Variants in GALNT17 observed in about 807,000 individuals in gnomAD.
GALNT17 encodes UDP-GalNAc:polypeptide N-acetylgalactosaminyltransferase-like 3.
GALNT17 carries 29 observed loss-of-function variants against 63.7 expected under a neutral mutation model. That is an observed-to-expected ratio of 0.46 (90% CI 0.34 to 0.62). The LOEUF is 0.62. Among genes scored for constraint, GALNT17 ranks in the 20% least tolerant of loss-of-function variants. GALNT17 has a pLI of 0.01. For synonymous variants in GALNT17, 305 were observed against 318.3 expected, an observed-to-expected ratio of 0.96 and a Z score of 0.45; for missense variants, 603 against 799.6, an observed-to-expected ratio of 0.75 and a Z score of 2.97.
chr7:71,374,356 C>A (rs180697791), intron 2 of GALNT17, among the ~76,000 whole-genome samples: 100 of 152,344 alleles, frequency 6.6e-4, no homozygotes, highest in African/African-American at 2.2e-3. Context: ...ATAGGCTGTA[C>A]GGTTCCAGCA....
intron 1 of GALNT17, among the ~76,000 whole-genome samples, chr7:71,282,077 C>A (rs2115759324): frequency 6.6e-6 from 1 of 152,316 alleles, no homozygotes; most frequent in South Asian, 2.1e-4. Flanking sequence ...CCTGTGCCAT[C>A]CCTGAATCTT....
chr7:71,448,585 G>A (rs1009202513), intron 5 of GALNT17, among the ~76,000 whole-genome samples: 7 of 151,054 alleles, frequency 4.6e-5, no homozygotes, highest in South Asian at 2.1e-4. Context: ...GTTCTTTATC[G>A]ATCTTTTGCC....
At chr7:71,227,783 C>T (rs551352640) in intron 1 of GALNT17, among the ~76,000 whole-genome samples, 2 of 152,050 alleles carry the variant, frequency 1.3e-5, no homozygotes, top group Admixed American at 1.3e-4. Context: ...AGTGATTTGC[C>T]AAAAAACCCA....
intron 6 of GALNT17, among the ~76,000 whole-genome samples, chr7:71,592,339 T>C (rs1345162344): frequency 6.6e-6 from 1 of 151,690 alleles, no homozygotes; most frequent in East Asian, 2.0e-4. Flanking sequence ...GACGCTTAGG[T>C]GGGCTGGCTG....
chr7:71,244,606 A>G (rs1014974829), intron 1 of GALNT17, among the ~76,000 whole-genome samples: 2 of 152,160 alleles, frequency 1.3e-5, no homozygotes, highest in Admixed American at 6.5e-5. Context: ...TTACGTGACA[A>G]CTTTGTGGAA....
At chr7:71,431,683 T>C (rs1251296706) in intron 5 of GALNT17, among the ~76,000 whole-genome samples, 3 of 152,138 alleles carry the variant, frequency 2.0e-5, no homozygotes, top group Admixed American at 2.0e-4. Flanking sequence ...TTTGACTAGC[T>C]GGACCTTGCC....
chr7:71,333,953 G>A (rs1791851722), intron 1 of GALNT17, among the ~76,000 whole-genome samples: 1 of 152,132 alleles, frequency 6.6e-6, no homozygotes, highest in Non-Finnish European at 1.5e-5. Flanking sequence ...AGAGTTCAGG[G>A]GTTGTCATTT....
chr7:71,693,263 T>TACACACAC (rs761584365), intron 9 of GALNT17, among the ~76,000 whole-genome samples: 92 of 108,890 alleles, frequency 8.4e-4, no homozygotes, highest in African/African-American at 3.2e-3. Flanking sequence ...CACACACACA[T>TACACACAC]ACACACACAC....
At chr7:71,176,380 C>A (rs1321746066) in intron 1 of GALNT17, among the ~76,000 whole-genome samples, 1 of 151,950 alleles carries the variant, frequency 6.6e-6, no homozygotes, top group Non-Finnish European at 1.5e-5. Flanking sequence ...CGTCCAGGGG[C>A]TAAAGTGGCA....
chr7:71,353,842 G>T (rs940480274), intron 2 of GALNT17, among the ~76,000 whole-genome samples: 1 of 152,146 alleles, frequency 6.6e-6, no homozygotes, highest in Non-Finnish European at 1.5e-5. Context: ...AATACCTCAG[G>T]CTGGGTAATT....
intron 1 of GALNT17, among the ~76,000 whole-genome samples, chr7:71,185,096 C>G (rs566524777): frequency 7.1e-6 from 1 of 140,186 alleles, no homozygotes; most frequent in African/African-American, 2.9e-5. Context: ...TCCTTCTTCT[C>G]CCTTCTTCCT....
At chr7:71,330,272 C>T (rs1265635889) in intron 1 of GALNT17, among the ~76,000 whole-genome samples, 4 of 152,196 alleles carry the variant, frequency 2.6e-5, no homozygotes, top group African/African-American at 9.6e-5. Context: ...CTTGGCCTCC[C>T]AAAGTGCTGG....
chr7:71,223,073 C>T (rs1378011260), intron 1 of GALNT17, among the ~76,000 whole-genome samples: 1 of 152,038 alleles, frequency 6.6e-6, no homozygotes, highest in Non-Finnish European at 1.5e-5. Context: ...ACCACCTGTC[C>T]CCCTACCCCC....
chr7:71,494,881 C>T (rs1453640875), intron 5 of GALNT17, among the ~76,000 whole-genome samples: 3 of 152,196 alleles, frequency 2.0e-5, no homozygotes, highest in African/African-American at 2.4e-5. Flanking sequence ...CCCGTTTATA[C>T]AACCATCAGA....
rs142264422 is a variant in GALNT17, at chr7:71,245,135, C to T, written c.239-90415C>T. Among the ~76,000 whole-genome samples the T allele has an allele frequency of 1.5e-4, 23 of 152,196 alleles. No individual in the cohort carries two copies. In the East Asian group the frequency reaches 4.3e-3, roughly 28 times the overall value. ...GGATAATAAGTGGTTGAAATAATTA[C>T]GTTCTAAGTCTTTGGCACCCATCTG... On this transcript the variant is annotated intron_variant, in intron 1 of 10. Coordinates refer to ENST00000333538, the MANE Select transcript of GALNT17 (RefSeq NM_022479.3).
At chr7:71,437,753 C>CA (rs572059820) in intron 5 of GALNT17, among the ~76,000 whole-genome samples, 1 of 152,172 alleles carries the variant, frequency 6.6e-6, no homozygotes, top group Non-Finnish European at 1.5e-5. Context: ...CTCACTCTGC[C>CA]ACCCAGGCTA....
chr7:71,145,334 C>T (rs1045447731), intron 1 of GALNT17, among the ~76,000 whole-genome samples: 1 of 152,060 alleles, frequency 6.6e-6, no homozygotes, highest in Non-Finnish European at 1.5e-5. Context: ...ATTGCTACAA[C>T]ATAACTAAAA....
intron 5 of GALNT17, among the ~76,000 whole-genome samples, chr7:71,529,793 T>C (rs912685187): frequency 2.0e-5 from 3 of 152,238 alleles, no homozygotes; most frequent in Non-Finnish European, 4.4e-5. Context: ...ACTGCACAAC[T>C]AGGTAATTAA....
At chr7:71,392,967 G>A (rs1199519377) in intron 3 of GALNT17, among the ~76,000 whole-genome samples, 3 of 152,148 alleles carry the variant, frequency 2.0e-5, no homozygotes, top group Non-Finnish European at 4.4e-5. Flanking sequence ...CTGTAATCAT[G>A]GAATTGAATT....
Sources: allele counts gnomAD v4.1 joint callset (sites outside exome capture counted in the v4.1 genomes callset), GRCh38; gene constraint gnomAD v4.1.1; transcripts MANE v1.5; gene names NCBI Gene and HGNC (gene_info 2026-07-23, HGNC 2026-07-21).